AFF3: variants seen among roughly 807,000 people sequenced by gnomAD.
AFF3 encodes AF4/FMR2 family member 3.
Under a neutral mutation model 129.7 loss-of-function variants are expected in AFF3, and 32 were observed. The ratio of observed to expected loss-of-function variants is 0.25; its 90% confidence interval spans 0.19 to 0.33. AFF3 has a LOEUF of 0.33. Ranked by LOEUF, AFF3 falls within the 10% of genes least tolerant of loss-of-function variation. The probability of loss-of-function intolerance (pLI) is 1.00; values close to 1 mark genes in which losing one functional copy is unlikely to be tolerated. For missense variants in AFF3, 1,373 were observed against 1,592.0 expected, an observed-to-expected ratio of 0.86 and a Z score of 2.34; for synonymous variants, 644 against 635.4, an observed-to-expected ratio of 1.01 and a Z score of -0.20.
At chr2:100,134,929 T>C (rs957066788) in intron 1 of AFF3, among the ~76,000 whole-genome samples, 1 of 152,094 alleles carries the variant, frequency 6.6e-6, no homozygotes, top group Admixed American at 6.5e-5. Flanking sequence ...AGGCTGGCTA[T>C]TTTATACAAG....
intron 17 of AFF3, among the ~76,000 whole-genome samples, chr2:99,579,310 C>T (rs754629654): frequency 7.9e-5 from 12 of 151,576 alleles, no homozygotes; most frequent in Non-Finnish European, 1.3e-4. Context: ...GAGGCTGAGG[C>T]AGGAGAATCG....
At chr2:99,887,929 A>C (rs1199104879) in intron 7 of AFF3, among the ~76,000 whole-genome samples, 1 of 152,160 alleles carries the variant, frequency 6.6e-6, no homozygotes, top group East Asian at 1.9e-4. Flanking sequence ...ACCCAACTCC[A>C]AACAGGCACG....
intron 11 of AFF3, among the ~76,000 whole-genome samples, chr2:99,678,849 A>G (rs1674258913): frequency 6.6e-6 from 1 of 152,188 alleles, no homozygotes; most frequent in Non-Finnish European, 1.5e-5. Flanking sequence ...CACGGGAGGG[A>G]AAGTTATACA....
chr2:99,735,795 T>C (rs948714173), intron 10 of AFF3, among the ~76,000 whole-genome samples: 1 of 152,176 alleles, frequency 6.6e-6, no homozygotes, highest in Non-Finnish European at 1.5e-5. Flanking sequence ...ACCCAGCTTC[T>C]AGTATGAGTA....
intron 7 of AFF3, among the ~76,000 whole-genome samples, chr2:99,872,644 T>C (rs919841729): frequency 6.6e-6 from 1 of 151,514 alleles, no homozygotes; most frequent in African/African-American, 2.4e-5. Flanking sequence ...TAAAATAAAA[T>C]AAAATTTATC....
rs368752241 is a variant in AFF3 at position 99,597,759 on chromosome 2, G to A, written c.1372-3470C>T. On this transcript the variant is annotated intron_variant, in intron 14 of 24. Transcript: ENST00000672756. Reference sequence around the variant, plus strand: ...ACTGGCATGCGGCTGGCCACAGTCCGCCTCCTGAGCCGTCCATCCGGGGTT... The same window carrying A: ...ACTGGCATGCGGCTGGCCACAGTCCACCTCCTGAGCCGTCCATCCGGGGTT... Among the ~76,000 whole-genome samples the A allele has an allele frequency of 9.6e-4, 146 of 152,336 alleles. 2 individuals carry two copies. The South Asian group carries it at 0.029, about 31-fold the overall frequency.
chr2:99,870,567 CTAGAT>C (rs1691797098), intron 7 of AFF3, among the ~76,000 whole-genome samples: 1 of 152,144 alleles, frequency 6.6e-6, no homozygotes, highest in South Asian at 2.1e-4. Flanking sequence ...GAGCTACTTC[CTAGAT>C]AAGGAGGTAA....
chr2:99,887,017 T>C (rs539445090), intron 7 of AFF3, among the ~76,000 whole-genome samples: 12 of 152,354 alleles, frequency 7.9e-5, no homozygotes, highest in Admixed American at 6.5e-4. Context: ...TAACTTCCCT[T>C]AATGAGAAGG....
intron 7 of AFF3, among the ~76,000 whole-genome samples, chr2:99,875,384 T>C (rs943036085): frequency 1.3e-5 from 2 of 152,218 alleles, no homozygotes; most frequent in African/African-American, 2.4e-5. Context: ...TCCACTTCTG[T>C]CACTCTTTAT....
At chr2:99,650,092 T>C (rs572390561) in intron 12 of AFF3, among the ~76,000 whole-genome samples, 2 of 152,366 alleles carry the variant, frequency 1.3e-5, no homozygotes, top group African/African-American at 4.8e-5. Flanking sequence ...AATTTTTCAC[T>C]CGGATTTCAG....
intron 2 of AFF3, among the ~76,000 whole-genome samples, chr2:100,128,380 C>T (rs1035039049): frequency 1.3e-5 from 2 of 152,040 alleles, no homozygotes; most frequent in South Asian, 4.2e-4. Context: ...TGGATAATAC[C>T]ACCCCTAGTT....
intron 2 of AFF3, among the ~76,000 whole-genome samples, chr2:100,113,191 G>A (rs557871393): frequency 3.2e-4 from 48 of 152,290 alleles, no homozygotes; most frequent in Admixed American, 6.5e-5. Flanking sequence ...AGTCATTTCA[G>A]ATATTGATTT....
chr2:99,777,947 C>CAAAA (rs576434643), intron 8 of AFF3, among the ~76,000 whole-genome samples: 22 of 48,316 alleles, frequency 4.6e-4, no homozygotes, highest in African/African-American at 1.5e-3. Flanking sequence ...AAAGCAAAAG[C>CAAAA]AAAAAAAAAA....
At chr2:99,995,183 C>T (rs1487076159) in intron 7 of AFF3, among the ~76,000 whole-genome samples, 1 of 152,070 alleles carries the variant, frequency 6.6e-6, no homozygotes, top group Non-Finnish European at 1.5e-5. Flanking sequence ...TCCAGTTTCA[C>T]AAGAAATTGT....
intron 13 of AFF3, among the ~76,000 whole-genome samples, chr2:99,605,417 G>A (rs1486482509): frequency 1.3e-5 from 2 of 152,196 alleles, no homozygotes; most frequent in South Asian, 2.1e-4. Flanking sequence ...TTTCCTGGAA[G>A]GGCGCTGGTA....
intron 17 of AFF3, among the ~76,000 whole-genome samples, chr2:99,581,522 CTTT>C (rs74265080): frequency 1.4e-5 from 2 of 145,312 alleles, no homozygotes; most frequent in East Asian, 2.0e-4. Flanking sequence ...GAATCCTGTT[CTTT>C]TTTTTTTTTT....
At chr2:99,881,254 G>GT (rs1392701722) in intron 7 of AFF3, among the ~76,000 whole-genome samples, 1 of 152,136 alleles carries the variant, frequency 6.6e-6, no homozygotes, top group Non-Finnish European at 1.5e-5. Flanking sequence ...TCTGACAAAT[G>GT]TAAGTGCTGG....
chr2:99,649,759 C>T (rs932236922), intron 12 of AFF3, 93 bp from the exon 13 acceptor site: 66 of 1,470,340 alleles, frequency 4.5e-5, no homozygotes, highest in Non-Finnish European at 6.0e-5. Flanking sequence ...CCCTGCATTA[C>T]ACACATTTTT....
intron 7 of AFF3, among the ~76,000 whole-genome samples, chr2:99,855,233 A>C (rs1333069028): frequency 6.6e-6 from 1 of 152,212 alleles, no homozygotes; most frequent in Non-Finnish European, 1.5e-5. Flanking sequence ...ATGTTTGAAA[A>C]TTGGTTGTGG....
Sources: gnomAD v4.1 joint callset for allele counts (sites outside exome capture counted in the v4.1 genomes callset) on GRCh38, gnomAD v4.1.1 for gene constraint, MANE v1.5 for transcripts, NCBI Gene and HGNC (gene_info 2026-07-23, HGNC 2026-07-21) for gene names.